The following PTPRO variants were observed in gnomAD, a reference collection of about 807,000 sequenced individuals.
PTPRO encodes receptor-type tyrosine-protein phosphatase O.
PTPRO carries 62 observed loss-of-function variants against 145.2 expected under a neutral mutation model. The observed-to-expected ratio is 0.43, with a 90% CI of 0.35 to 0.53. The LOEUF (loss-of-function observed/expected upper bound fraction) is 0.53, where lower values mean the gene tolerates loss of function less well. Ranked by LOEUF, PTPRO falls within the 20% of genes least tolerant of loss-of-function variation. The probability of loss-of-function intolerance (pLI) is 0.01; values close to 1 mark genes in which losing one functional copy is unlikely to be tolerated. For synonymous variants in PTPRO, 565 were observed against 514.7 expected, an observed-to-expected ratio of 1.10 and a Z score of -1.32; for missense variants, 1,345 against 1,482.7, an observed-to-expected ratio of 0.91 and a Z score of 1.53.
At chr12:15,536,002 G>T (rs974047810) in intron 12 of PTPRO, among the ~76,000 whole-genome samples, 4 of 152,132 alleles carry the variant, frequency 2.6e-5, no homozygotes, top group Non-Finnish European at 4.4e-5. Flanking sequence ...TCTGTAGGCT[G>T]CCAGTCAGCT....
Position 15,469,768 on chromosome 12 carries a change from CAA to C in PTPRO, c.76-14188_76-14187del, listed in dbSNP as rs3085503. Among the ~76,000 whole-genome samples the C allele has an allele frequency of 9.1e-4, 101 of 110,406 alleles. No homozygotes were observed. In the East Asian group the frequency reaches 0.014, roughly 15 times the overall value. 72.4% of individuals were successfully genotyped at this position (110,406 alleles called of 152,430 possible). On this transcript the variant is annotated intron_variant, in intron 1 of 26. Transcript: ENST00000281171. ...AGGAATCATGGCGTTAGTGTCCTGA[CAA>C]AAAAAAAAAAAAAAAAATACAGCTT...
rs1241071666 is a variant in PTPRO, at chr12:15,596,464, G to A, written c.*391G>A. The A allele has an allele frequency of 6.6e-6, 1 of 152,558 alleles. No individual in the cohort carries two copies. The highest frequency in any genetic ancestry group is 1.5e-5 in the Non-Finnish European group (1 of 68,024). The allele number at this position is 152,558 out of a possible 1,614,324, so 9.5% of individuals were successfully genotyped here. ...TGTGTGTGATTCTTATCAGAAAGTT[G>A]AATTGTTTTCTGCCTACACCGTTCA... is the stretch of plus-strand genomic sequence containing the variant. On this transcript the variant is annotated 3_prime_UTR_variant, in exon 27 of 27. Coordinates refer to ENST00000281171, the MANE Select transcript of PTPRO (RefSeq NM_030667.3).
Position 15,508,743 on chromosome 12 carries a change from G to C in PTPRO, c.1440G>C (p.Arg480Ser). Residue 480 changes from arginine (R) to serine (S), a missense_variant, in exon 7 of 27, where the codon AGG becomes AGC. Arg to Ser is a moderately radical substitution (Grantham distance 110, BLOSUM62 -1). Transcript: ENST00000281171. The part of the protein sequence containing the change: ...LTCQKQKESQ[R>S]LEKQYCTQVN... Reference sequence around the variant, plus strand: ...GCCAGAAACAAAAGGAGAGCCAGAGGCTTGAAAAGCAGTACTGCACTCAGG... The same window carrying C: ...GCCAGAAACAAAAGGAGAGCCAGAGCCTTGAAAAGCAGTACTGCACTCAGG... 6.2e-7 allele frequency: 1 copy of C among 1,614,084 alleles called. No individual in the cohort carries two copies. The highest frequency in any genetic ancestry group is 1.1e-5 in the South Asian group (1 of 91,084).
At chr12:15,499,128 T>G (rs1379171209) in intron 3 of PTPRO, among the ~76,000 whole-genome samples, 1 of 152,190 alleles carries the variant, frequency 6.6e-6, no homozygotes, top group East Asian at 1.9e-4. Flanking sequence ...ATGGCCAGTG[T>G]AAACTTAACC....
At chr12:15,438,287 C>A (rs1463549682) in intron 1 of PTPRO, among the ~76,000 whole-genome samples, 1 of 152,088 alleles carries the variant, frequency 6.6e-6, no homozygotes, top group Non-Finnish European at 1.5e-5. Context: ...CACAAGAATT[C>A]TAGCACCATG....
intron 1 of PTPRO, among the ~76,000 whole-genome samples, chr12:15,435,348 AG>A (rs1940565378): frequency 6.6e-6 from 1 of 152,206 alleles, no homozygotes; most frequent in Non-Finnish European, 1.5e-5. Context: ...GCAAAGGAAA[AG>A]TATAAAAATT....
At chr12:15,522,533 C>G (rs190566852) in intron 10 of PTPRO, among the ~76,000 whole-genome samples, 10 of 151,172 alleles carry the variant, frequency 6.6e-5, no homozygotes, top group African/African-American at 2.4e-4. Flanking sequence ...AAAGTAAAAA[C>G]GCGTGTGTGT....
intron 1 of PTPRO, among the ~76,000 whole-genome samples, chr12:15,417,127 C>T (rs1046120904): frequency 2.6e-5 from 4 of 151,636 alleles, no homozygotes; most frequent in Non-Finnish European, 4.4e-5. Context: ...CACAGTCCAA[C>T]TACATGCAAA....
rs149987423 is a variant in PTPRO at position 15,468,330 on chromosome 12, G to C, written c.76-15644G>C. Among the ~76,000 whole-genome samples the C allele has an allele frequency of 4.1e-3, 619 of 152,292 alleles. 5 individuals are homozygous for C. The highest frequency in any genetic ancestry group is 0.014 in the African/African-American group (585 of 41,546). ...CACACCCCTGCTGAATAACCCATAA[G>C]TGTCTTCCCATCGCCTTTAGCATAA... On this transcript the variant is annotated intron_variant, in intron 1 of 26. Coordinates refer to ENST00000281171, the MANE Select transcript of PTPRO (RefSeq NM_030667.3).
intron 1 of PTPRO, among the ~76,000 whole-genome samples, chr12:15,329,956 G>A (rs1011868297): frequency 2.0e-5 from 3 of 152,228 alleles, no homozygotes; most frequent in African/African-American, 7.2e-5. Flanking sequence ...AAGGCCCAGT[G>A]TTGTGAAAAG....
At position 15,538,493 on chromosome 12, in the gene PTPRO, G is replaced by A. The variant is rs1486873531; in HGVS notation, c.2165-8076G>A. On this transcript the variant is annotated intron_variant, in intron 12 of 26. Coordinates refer to ENST00000281171, the MANE Select transcript of PTPRO (RefSeq NM_030667.3). ...CCGCAAGTGCCTCCCATAGTGCTGGGATTACAGGCGTGAGCCACCGCGCCC... is the reference window on the plus strand; with the variant it reads ...CCGCAAGTGCCTCCCATAGTGCTGGAATTACAGGCGTGAGCCACCGCGCCC... Among the ~76,000 whole-genome samples, 8 of 152,286 alleles carry A rather than the reference G, an allele frequency of 5.3e-5. No individual in the cohort carries two copies. The East Asian group carries it at 1.2e-3, about 22-fold the overall frequency.
intron 1 of PTPRO, among the ~76,000 whole-genome samples, chr12:15,444,651 G>C (rs1013484880): frequency 1.3e-5 from 2 of 151,480 alleles, no homozygotes; most frequent in Non-Finnish European, 2.9e-5. Context: ...GCCTTCAGGA[G>C]GTTATTTGTT....
intron 23 of PTPRO, among the ~76,000 whole-genome samples, chr12:15,582,308 T>C (rs1170007764): frequency 1.3e-5 from 2 of 152,250 alleles, no homozygotes; most frequent in African/African-American, 2.4e-5. Flanking sequence ...GGCCAGTTTA[T>C]GGCCAGATTT....
At chr12:15,524,170 A>AAAC (rs1052289786) in intron 10 of PTPRO, among the ~76,000 whole-genome samples, 2 of 151,384 alleles carry the variant, frequency 1.3e-5, no homozygotes, top group African/African-American at 4.9e-5. Flanking sequence ...AAAAAAAAAA[A>AAAC]AAAAAAACTT....
Position 15,485,075 on chromosome 12 carries a change from C to T in PTPRO, c.349+828C>T, listed in dbSNP as rs951948784. Among the ~76,000 whole-genome samples, 99 of 152,160 alleles carry T rather than the reference C, an allele frequency of 6.5e-4. 1 individual carries two copies. Among genetic ancestry groups the T allele is most frequent in the African/African-American group, 2.4e-3 (98 of 41,534 alleles). On this transcript the variant is annotated intron_variant, in intron 2 of 26. Coordinates refer to ENST00000281171, the MANE Select transcript of PTPRO (RefSeq NM_030667.3). ...GCAACAGCTGCAATTTGTTAAATGC[C>T]ATCTATGTGTGATTGTTCTGGTGAT...
In PTPRO at chr12:15,578,710, T is replaced by G. The variant is rs993488962; in HGVS notation, c.2830-143T>G. On this transcript the variant is annotated intron_variant, in intron 19 of 26. Coordinates refer to ENST00000281171, the MANE Select transcript of PTPRO (RefSeq NM_030667.3). ...ATCATTGGCCAAAGCAAGTTGATGA[T>G]AGTGGGGTGGAGTACCTTCCACCTC... is the stretch of plus-strand genomic sequence containing the variant. 4.3e-6 allele frequency: 3 copies of G among 695,128 alleles called. No individual in the cohort carries two copies. The South Asian group carries it at 4.7e-5, about 11-fold the overall frequency. 43.1% of individuals were successfully genotyped at this position (695,128 alleles called of 1,614,324 possible).
intron 7 of PTPRO, among the ~76,000 whole-genome samples, chr12:15,513,169 G>GAA (rs1565675746): frequency 1.4e-5 from 1 of 72,338 alleles, no homozygotes; most frequent in African/African-American, 6.4e-5. Flanking sequence ...AAGAAAGAAA[G>GAA]AAAGAAAGAA....
chr12:15,503,781 T>C (rs1942266752), intron 5 of PTPRO, 127 bp from the exon 6 acceptor site: 1 of 666,002 alleles, frequency 1.5e-6, no homozygotes, highest in Non-Finnish European at 2.5e-6. Flanking sequence ...TTTAGAGGTG[T>C]AATTGAACTT....
chr12:15,551,373 T>A (rs1392047843), intron 14 of PTPRO, among the ~76,000 whole-genome samples, 178 bp from the exon 15 acceptor site: 3 of 152,168 alleles, frequency 2.0e-5, no homozygotes, highest in Non-Finnish European at 4.4e-5. Context: ...ATCAGTCTAG[T>A]TTGCTAAGTT....
Sources: allele counts gnomAD v4.1 joint callset (sites outside exome capture counted in the v4.1 genomes callset), GRCh38; gene constraint gnomAD v4.1.1; transcripts MANE v1.5; gene names NCBI Gene and HGNC (gene_info 2026-07-23, HGNC 2026-07-21).